ANKRD17: variants seen among roughly 807,000 people sequenced by gnomAD.
ANKRD17 encodes ankyrin repeat domain-containing protein 17.
In ANKRD17, 19 loss-of-function variants were observed where a neutral mutation model predicts 229.7. That is an observed-to-expected ratio of 0.08 (90% confidence interval 0.06 to 0.12). ANKRD17 has a LOEUF of 0.12. ANKRD17 is among the 10% of genes least tolerant of loss of function. The probability of loss-of-function intolerance (pLI) is 1.00; values close to 1 mark genes in which losing one functional copy is unlikely to be tolerated. For synonymous variants in ANKRD17, 1,112 were observed against 1,146.1 expected, an observed-to-expected ratio of 0.97 and a Z score of 0.60; for missense variants, 2,176 against 3,176.8, an observed-to-expected ratio of 0.68 and a Z score of 7.57.
At chr4:73,126,134 C>G (rs1446428423) in intron 16 of ANKRD17, among the ~76,000 whole-genome samples, 1 of 152,080 alleles carries the variant, frequency 6.6e-6, no homozygotes, top group Non-Finnish European at 1.5e-5. Context: ...TTGGAGAGAT[C>G]AAGGTGGCTA....
chr4:73,232,956 C>T (rs1743192089), intron 1 of ANKRD17, among the ~76,000 whole-genome samples: 1 of 152,170 alleles, frequency 6.6e-6, no homozygotes, highest in African/African-American at 2.4e-5. Flanking sequence ...CTCCTAACCT[C>T]AAGTGATCCA....
chr4:73,082,790 T>C (rs970537993), intron 30 of ANKRD17, among the ~76,000 whole-genome samples: 3 of 152,146 alleles, frequency 2.0e-5, no homozygotes, highest in Non-Finnish European at 2.9e-5. Flanking sequence ...TAAAGAGATA[T>C]GGGAATTAAG....
chr4:73,166,840 G>A (rs1003639005), intron 2 of ANKRD17, among the ~76,000 whole-genome samples: 1 of 151,534 alleles, frequency 6.6e-6, no homozygotes, highest in Non-Finnish European at 1.5e-5. Context: ...CATAGTATGT[G>A]TATATATTTA....
intron 1 of ANKRD17, among the ~76,000 whole-genome samples, chr4:73,217,708 G>C (rs1397839001): frequency 6.6e-6 from 1 of 151,998 alleles, no homozygotes; most frequent in Admixed American, 6.6e-5. Flanking sequence ...TGCCACAAGT[G>C]AAAACTTCTG....
At position 73,091,688 on chromosome 4, in the gene ANKRD17, C is replaced by T; in HGVS notation, c.5940G>A (p.Val1980=). The change falls in exon 29 of 34, where the codon GTG becomes GTA. Residue 1980 remains valine, a synonymous_variant. Coordinates refer to ENST00000358602, the MANE Select transcript of ANKRD17 (RefSeq NM_032217.5). ...TTTTSSSAST[V]PGTSTNGSPS... ...GACTGCCATTTGTAGATGTACCAGG[C>T]ACCGTTGAAGCTGATGAACTGGTTG... 1.2e-6 allele frequency: 2 copies of T among 1,614,164 alleles called. No individual in the cohort carries two copies. Among genetic ancestry groups the T allele is most frequent in the South Asian group, 2.2e-5 (2 of 91,082 alleles).
chr4:73,219,496 GCCTT>G (rs1306257460), intron 1 of ANKRD17, among the ~76,000 whole-genome samples: 1 of 152,162 alleles, frequency 6.6e-6, no homozygotes, highest in Non-Finnish European at 1.5e-5. Context: ...AGGAAATGAT[GCCTT>G]CCTTGAGACT....
At chr4:73,172,587 A>G (rs758854876) in intron 2 of ANKRD17, among the ~76,000 whole-genome samples, 147 of 152,374 alleles carry the variant, frequency 9.6e-4, no homozygotes, top group Middle Eastern at 3.4e-3. Flanking sequence ...ATCAAAAATA[A>G]TAACTACAAC....
chr4:73,177,638 C>T (rs1578285428), intron 1 of ANKRD17, 105 bp from the exon 2 acceptor site: 1 of 814,466 alleles, frequency 1.2e-6, no homozygotes, highest in Non-Finnish European at 1.9e-6. Context: ...AATATGTTAA[C>T]ATAATTAACA....
rs116695057 is a variant in ANKRD17 at position 73,102,186 on chromosome 4, C to A, written c.4573+190G>T. 6.2e-3 allele frequency among the ~76,000 whole-genome samples: 938 copies of A among 152,226 alleles called. 11 individuals are homozygous for A. The highest frequency in any genetic ancestry group is 0.019 in the African/African-American group (779 of 41,550). Reference sequence around the variant, plus strand: ...TTGTTGCCCAGGCTGGTCTTGAACTCTTAGACTCAAGTGACTCGCTCACCT... The same window carrying A: ...TTGTTGCCCAGGCTGGTCTTGAACTATTAGACTCAAGTGACTCGCTCACCT... On this transcript the variant is annotated intron_variant, in intron 25 of 33. Transcript: ENST00000358602.
chr4:73,216,199 T>C (rs1191034811), intron 1 of ANKRD17, among the ~76,000 whole-genome samples: 15 of 152,230 alleles, frequency 9.9e-5, no homozygotes, highest in Admixed American at 2.0e-4. Context: ...TTTTTTCTTT[T>C]GGAAAATAAT....
chr4:73,176,795 G>A (rs1181681956), intron 2 of ANKRD17, among the ~76,000 whole-genome samples: 1 of 152,098 alleles, frequency 6.6e-6, no homozygotes, highest in Non-Finnish European at 1.5e-5. Context: ...ATTATGCATT[G>A]CATGCCTGTA....
At chr4:73,182,939 A>T (rs1424430231) in intron 1 of ANKRD17, among the ~76,000 whole-genome samples, 2 of 152,202 alleles carry the variant, frequency 1.3e-5, no homozygotes, top group Admixed American at 6.5e-5. Context: ...AAATGTCTCC[A>T]GACATTGCTA....
intron 1 of ANKRD17, among the ~76,000 whole-genome samples, chr4:73,258,036 A>G (rs1205958433): frequency 7.1e-6 from 1 of 140,874 alleles, no homozygotes; most frequent in African/African-American, 2.7e-5. Context: ...CCATCCCATG[A>G]TAACAGGCTG....
rs926523536 is a variant in ANKRD17, at chr4:73,076,176, A to G, written c.*55T>C. 4.6e-6 allele frequency: 7 copies of G among 1,533,554 alleles called. No homozygotes were observed. In the Admixed American group the frequency reaches 8.3e-5, roughly 18 times the overall value. The allele number at this position is 1,533,554 out of a possible 1,614,324, so 95.0% of individuals were successfully genotyped here. A position where few individuals can be genotyped will look rare whatever the true frequency, so the allele number is the denominator to read the frequency against. ...GGGAGCATAATTTTTTTTTTCGGCC[A>G]CTTGTGATTTCCTCCAAATGAAAAG... On this transcript the variant is annotated 3_prime_UTR_variant, in exon 34 of 34. Coordinates refer to ENST00000358602, the MANE Select transcript of ANKRD17 (RefSeq NM_032217.5).
intron 1 of ANKRD17, among the ~76,000 whole-genome samples, chr4:73,223,783 A>C (rs1176604877): frequency 6.6e-6 from 1 of 152,214 alleles, no homozygotes; most frequent in African/African-American, 2.4e-5. Flanking sequence ...ATCCTAGATA[A>C]ATGAAATTTA....
At chr4:73,206,647 G>C (rs1198118272) in intron 1 of ANKRD17, among the ~76,000 whole-genome samples, 1 of 152,176 alleles carries the variant, frequency 6.6e-6, no homozygotes, top group Non-Finnish European at 1.5e-5. Context: ...TGAGTAAAAT[G>C]GTGGTTACCA....
At position 73,228,411 on chromosome 4, in the gene ANKRD17, A is replaced by G. The variant is rs139444466; in HGVS notation, c.393+29865T>C. ...AAGTAATATTCTTTTTATTACCACT[A>G]TAGTTTATTTTCTTCTTTATTAACT... On this transcript the variant is annotated intron_variant, in intron 1 of 33. Transcript: ENST00000358602. Among the ~76,000 whole-genome samples, 39 of 152,294 alleles carry G rather than the reference A, an allele frequency of 2.6e-4. No individual in the cohort carries two copies. The East Asian group carries it at 7.5e-3, about 29-fold the overall frequency.
intron 1 of ANKRD17, among the ~76,000 whole-genome samples, chr4:73,229,474 A>G (rs1258230836): frequency 1.3e-5 from 2 of 152,126 alleles, no homozygotes; most frequent in African/African-American, 4.8e-5. Context: ...TTCTTAGTTC[A>G]TCATTTCTAC....
At chr4:73,138,766 T>C (rs1325047993) in intron 15 of ANKRD17, among the ~76,000 whole-genome samples, 1 of 152,140 alleles carries the variant, frequency 6.6e-6, no homozygotes, top group Non-Finnish European at 1.5e-5. Context: ...CTCATCCCAT[T>C]ACTTTGTTAC....
Sources: gnomAD v4.1 joint callset for allele counts (sites outside exome capture counted in the v4.1 genomes callset) on GRCh38, gnomAD v4.1.1 for gene constraint, MANE v1.5 for transcripts, NCBI Gene and HGNC (gene_info 2026-07-23, HGNC 2026-07-21) for gene names.